ICMT: variants seen among roughly 807,000 people sequenced by gnomAD.
ICMT encodes the protein isoprenylcysteine carboxyl methyltransferase.
ICMT carries 10 observed loss-of-function variants against 32.2 expected under a neutral mutation model. That is an observed-to-expected ratio of 0.31 (90% CI 0.19 to 0.53). The LOEUF is 0.53. Ranked by LOEUF, ICMT falls within the 20% of genes least tolerant of loss-of-function variation. The pLI, the probability that ICMT is intolerant of heterozygous loss-of-function variation, is 0.96. For missense variants in ICMT, 265 were observed against 356.9 expected (o/e 0.74, Z 2.07); for synonymous variants, 183 against 158.2 (o/e 1.16, Z -1.18).
At chr1:6,233,775 T>A (rs928623139) in intron 2 of ICMT, 132 bp from the exon 3 acceptor site, 1 of 670,548 alleles carries the variant, frequency 1.5e-6, no homozygotes, top group African/African-American at 1.8e-5. Context: ...TGGACACAGG[T>A]ACCCATCTGC....
Sources: gnomAD v4.1 joint callset for allele counts on GRCh38, gnomAD v4.1.1 for gene constraint, MANE v1.5 for transcripts, NCBI Gene and HGNC (gene_info 2026-07-23, HGNC 2026-07-21) for gene names.